Variants in PGCKA1 observed in about 807,000 individuals in gnomAD.
The protein encoded by PGCKA1 is PDCD10 and GCKIII kinases-associated protein 1.
At chr4:37,550,774 C>T in the PGCKA1 span, among the ~76,000 whole-genome samples, 4 of 152,164 alleles carry the variant, frequency 2.6e-5, no homozygotes, top group African/African-American at 9.7e-5. Flanking sequence ...CTAAAAGTCA[C>T]TTCGTGTTAT....
chr4:37,509,088 G>A, the PGCKA1 span, among the ~76,000 whole-genome samples: 1 of 149,104 alleles, frequency 6.7e-6, no homozygotes, highest in African/African-American at 2.5e-5. Flanking sequence ...TTTCTACACA[G>A]ACACAGCAAC....
At chr4:37,551,024 A>G in the PGCKA1 span, among the ~76,000 whole-genome samples, 8 of 150,756 alleles carry the variant, frequency 5.3e-5, no homozygotes, top group African/African-American at 1.9e-4. Flanking sequence ...TAAAAAAAAA[A>G]CAGTTACATG....
the PGCKA1 span, among the ~76,000 whole-genome samples, chr4:37,519,257 G>T: frequency 6.7e-6 from 1 of 150,050 alleles, no homozygotes; most frequent in Non-Finnish European, 1.5e-5. Flanking sequence ...TGGGTCTTTT[G>T]TGGTTCCATA....
chr4:37,492,471 G>C, the PGCKA1 span, among the ~76,000 whole-genome samples: 1 of 152,116 alleles, frequency 6.6e-6, no homozygotes, highest in Non-Finnish European at 1.5e-5. The surrounding 1 kb of genome is among the most constrained non-coding windows in gnomAD (Gnocchi z 4.7). Context: ...GTGTCTTCAG[G>C]TACTTCTGCA....
chr4:37,511,125 C>A, the PGCKA1 span, among the ~76,000 whole-genome samples: 1 of 152,172 alleles, frequency 6.6e-6, no homozygotes, highest in Non-Finnish European at 1.5e-5. Flanking sequence ...TATCCCAGGG[C>A]AGGTCCAAGA....
the PGCKA1 span, among the ~76,000 whole-genome samples, chr4:37,457,163 C>A: frequency 6.6e-6 from 1 of 152,198 alleles, no homozygotes; most frequent in Non-Finnish European, 1.5e-5. Context: ...TAAATATCTA[C>A]ATCTGAAGGC....
At chr4:37,556,738 T>C in the PGCKA1 span, among the ~76,000 whole-genome samples, 5 of 152,314 alleles carry the variant, frequency 3.3e-5, no homozygotes, top group South Asian at 1.0e-3. Flanking sequence ...TTGTAGTTCA[T>C]TGTAAGCTCT....
chr4:37,517,910 C>T, the PGCKA1 span, among the ~76,000 whole-genome samples: 1 of 152,148 alleles, frequency 6.6e-6, no homozygotes, highest in Non-Finnish European at 1.5e-5. Context: ...CACATTCCAT[C>T]CCCAACTACC....
chr4:37,453,747 G>A, the PGCKA1 span, among the ~76,000 whole-genome samples: 1 of 152,132 alleles, frequency 6.6e-6, no homozygotes, highest in African/African-American at 2.4e-5. Context: ...GTGCGCCCGG[G>A]ACTGCCACCC....
chr4:37,545,118 A>T, the PGCKA1 span, among the ~76,000 whole-genome samples: 2 of 151,932 alleles, frequency 1.3e-5, no homozygotes, highest in Non-Finnish European at 2.9e-5. Context: ...GGCCTCCCCA[A>T]GTGCTGGGAT....
At chr4:37,488,519 C>G in the PGCKA1 span, among the ~76,000 whole-genome samples, 3 of 152,166 alleles carry the variant, frequency 2.0e-5, no homozygotes, top group Non-Finnish European at 4.4e-5. Flanking sequence ...CATAGGCTTG[C>G]CAACAGAAGC....
chr4:37,493,875 G>A, the PGCKA1 span, among the ~76,000 whole-genome samples: 1 of 152,098 alleles, frequency 6.6e-6, no homozygotes, highest in African/African-American at 2.4e-5. Flanking sequence ...ATGATCTCCA[G>A]TTCCATCCCT....
the PGCKA1 span, among the ~76,000 whole-genome samples, chr4:37,467,852 A>G: frequency 6.6e-6 from 1 of 152,250 alleles, no homozygotes; most frequent in Non-Finnish European, 1.5e-5. Context: ...GCAGTACAAC[A>G]ATTGACAGGC....
chr4:37,536,450 TCTGTCAGTCAAG>T, the PGCKA1 span, among the ~76,000 whole-genome samples: 24 of 152,252 alleles, frequency 1.6e-4, no homozygotes, highest in African/African-American at 5.8e-4. Context: ...TAGTTTAAGG[TCTGTCAGTCAAG>T]CTGTCAGTCA....
the PGCKA1 span, among the ~76,000 whole-genome samples, chr4:37,571,228 A>G: frequency 6.6e-6 from 1 of 152,118 alleles, no homozygotes; most frequent in Non-Finnish European, 1.5e-5. Flanking sequence ...ATTTGCCTCT[A>G]GAGTTCTCAT....
the PGCKA1 span, among the ~76,000 whole-genome samples, chr4:37,544,038 C>T: frequency 6.6e-6 from 1 of 152,164 alleles, no homozygotes; most frequent in Admixed American, 6.5e-5. Flanking sequence ...TTGTTTTTTA[C>T]ATCTTCTAGT....
chr4:37,510,165 TTC>T, the PGCKA1 span, among the ~76,000 whole-genome samples: 1 of 152,214 alleles, frequency 6.6e-6, no homozygotes, highest in Non-Finnish European at 1.5e-5. Flanking sequence ...CTATTTTTAA[TTC>T]TCTGTGTGAA....
the PGCKA1 span, chr4:37,558,119 T>C: frequency 2.6e-5 from 4 of 152,212 alleles, no homozygotes; most frequent in African/African-American, 9.7e-5. Flanking sequence ...GAAAATCTAT[T>C]CTCTTCACTT....
the PGCKA1 span, among the ~76,000 whole-genome samples, chr4:37,517,200 G>A: frequency 6.6e-6 from 1 of 151,054 alleles, no homozygotes; most frequent in African/African-American, 2.4e-5. Flanking sequence ...GCAGTGAGCC[G>A]AGATCATGCC....
Sources: gnomAD v4.1 joint callset for allele counts (sites outside exome capture counted in the v4.1 genomes callset) on GRCh38, gnomAD v4.1.1 for gene constraint, Gnocchi (gnomAD v3.1) non-coding constraint, MANE v1.5 for transcripts, NCBI Gene and HGNC (gene_info 2026-07-23, HGNC 2026-07-21) for gene names.